The following ANK2 variants were observed in gnomAD, a reference collection of about 807,000 sequenced individuals.
The protein encoded by ANK2 is ankyrin 2.
ANK2 carries 83 observed loss-of-function variants against 360.5 expected under a neutral mutation model. The ratio of observed to expected loss-of-function variants is 0.23; its 90% CI spans 0.19 to 0.28. The LOEUF (loss-of-function observed/expected upper bound fraction) is 0.28. Among genes scored for constraint, ANK2 ranks in the 10% least tolerant of loss-of-function variants. The pLI, the probability that ANK2 is intolerant of heterozygous loss-of-function variation, is 1.00. For synonymous variants in ANK2, 1,740 were observed against 1,759.5 expected, an observed-to-expected ratio of 0.99 and a Z score of 0.28; for missense variants, 4,201 against 4,795.7, an observed-to-expected ratio of 0.88 and a Z score of 3.66.
chr4:113,190,445 T>G (rs1307405193), intron 2 of ANK2, among the ~76,000 whole-genome samples: 1 of 152,066 alleles, frequency 6.6e-6, no homozygotes, highest in Non-Finnish European at 1.5e-5. Context: ...TGGCATGCAT[T>G]TGACACCATA....
At chr4:112,708,241 T>G in the ANK2 span, among the ~76,000 whole-genome samples, 2 of 152,240 alleles carry the variant, frequency 1.3e-5, no homozygotes, top group African/African-American at 4.8e-5. Flanking sequence ...CTGGACATAT[T>G]TTTCCATGTT....
Position 113,336,473 on chromosome 4 carries a change from T to TA in ANK2, c.3592-98dup, listed in dbSNP as rs3830611. On this transcript the variant is annotated intron_variant, in intron 30 of 45. Transcript: ENST00000357077. ...AAGCCCACCAAACTTATTTGTAAGATAAAAAATACTTTGGGGAAGAAATTT... is the reference window on the plus strand; with the variant it reads ...AAGCCCACCAAACTTATTTGTAAGATAAAAAAATACTTTGGGGAAGAAATTT... The TA allele has an allele frequency of 0.057, 65,291 of 1,144,236 alleles. 2,690 individuals are homozygous for TA. Among genetic ancestry groups the TA allele is most frequent in the African/African-American group, 0.19 (12,032 of 63,088 alleles). 70.9% of individuals were successfully genotyped at this position (1,144,236 alleles called of 1,614,324 possible). A position where few individuals can be genotyped will look rare whatever the true frequency, so the allele number is the denominator to read the frequency against.
chr4:113,372,958 A>AT lies in ANK2; in HGVS notation c.11611-128dup, dbSNP rs1174979753. On this transcript the variant is annotated intron_variant, in intron 43 of 45. Coordinates refer to ENST00000357077, the MANE Select transcript of ANK2 (RefSeq NM_001148.6). Reference sequence around the variant, plus strand: ...CTTGAGTTTTTCACTAGTTGACAGGATTTTGTATCTCAGCAATGCTTCTCA... The same window carrying AT: ...CTTGAGTTTTTCACTAGTTGACAGGATTTTTGTATCTCAGCAATGCTTCTCA... 4 of 877,882 alleles carry AT rather than the reference A, an allele frequency of 4.6e-6. No homozygotes were observed. The East Asian group carries it at 9.6e-5, about 21-fold the overall frequency. The allele number at this position is 877,882 out of a possible 1,614,324, so 54.4% of individuals were successfully genotyped here. A position where few individuals can be genotyped will look rare whatever the true frequency, so the allele number is the denominator to read the frequency against.
chr4:112,803,048 G>A, the ANK2 span, among the ~76,000 whole-genome samples: 73 of 152,222 alleles, frequency 4.8e-4, no homozygotes, highest in South Asian at 4.4e-3. Context: ...TGCTTTTAGT[G>A]ATTTATATTC....
At chr4:112,997,709 A>G (rs965505774) in intron 2 of ANK2, among the ~76,000 whole-genome samples, 7 of 152,056 alleles carry the variant, frequency 4.6e-5, no homozygotes, top group Admixed American at 2.0e-4. Flanking sequence ...TGACAAGTAA[A>G]AATTGTATGT....
At chr4:113,346,097 A>G in intron 35 of ANK2, 75 bp downstream of exon 35, 7 of 1,572,414 alleles carry the variant, frequency 4.5e-6, no homozygotes, top group Non-Finnish European at 5.2e-6. Context: ...AGGTCAGTGC[A>G]AAAGTAATGG....
intron 32 of ANK2, among the ~76,000 whole-genome samples, chr4:113,340,620 C>T (rs1320519195): frequency 6.6e-6 from 1 of 152,130 alleles, no homozygotes; most frequent in African/African-American, 2.4e-5. Flanking sequence ...CTCTTGAGCC[C>T]AGAGAGGTCG....
At chr4:113,284,380 GA>G (rs2153720210) in intron 18 of ANK2, among the ~76,000 whole-genome samples, 1 of 152,280 alleles carries the variant, frequency 6.6e-6, no homozygotes, top group South Asian at 2.1e-4. Flanking sequence ...ATCAGCCAAA[GA>G]AATCCATAAA....
At chr4:113,245,369 G>A (rs537731254) in intron 9 of ANK2, among the ~76,000 whole-genome samples, 1 of 152,234 alleles carries the variant, frequency 6.6e-6, no homozygotes, top group East Asian at 1.9e-4. Context: ...ATATTAATTA[G>A]TTCTCATGCT....
chr4:112,853,241 G>A (rs187736209), intron 1 of ANK2, among the ~76,000 whole-genome samples: 38 of 152,202 alleles, frequency 2.5e-4, no homozygotes, highest in Non-Finnish European at 7.4e-5. Context: ...GCTATTTTTT[G>A]TATTTTTAGT....
At chr4:113,346,849 C>A (rs188709064) in intron 35 of ANK2, among the ~76,000 whole-genome samples, 128 of 152,226 alleles carry the variant, frequency 8.4e-4, no homozygotes, top group Admixed American at 2.5e-3. Context: ...CGTAATTCCT[C>A]GAATACTCTG....
chr4:113,313,292 A>AT (rs889300446), intron 24 of ANK2, among the ~76,000 whole-genome samples: 4 of 152,130 alleles, frequency 2.6e-5, no homozygotes, highest in Non-Finnish European at 5.9e-5. Context: ...TAAAGCTTCT[A>AT]TTTTTTGCAT....
In ANK2 at chr4:113,270,342, A is replaced by G. The variant is rs145132396; in HGVS notation, c.1486-4110A>G. 5.1e-3 allele frequency among the ~76,000 whole-genome samples: 781 copies of G among 152,216 alleles called. 8 individuals carry two copies. Among genetic ancestry groups the G allele is most frequent in the African/African-American group, 0.018 (730 of 41,548 alleles). ...TGTATTGATATAACCCATTATTACAACCTTTTATCTTTTTGGATACCCTCT... is the reference window on the plus strand; with the variant it reads ...TGTATTGATATAACCCATTATTACAGCCTTTTATCTTTTTGGATACCCTCT... On this transcript the variant is annotated intron_variant, in intron 14 of 45. Transcript: ENST00000357077.
the ANK2 span, among the ~76,000 whole-genome samples, chr4:112,784,918 G>A: frequency 1.2e-4 from 19 of 152,212 alleles, no homozygotes; most frequent in Non-Finnish European, 2.8e-4. Flanking sequence ...GCGATTATAA[G>A]TGTTGATAGA....
intron 1 of ANK2, among the ~76,000 whole-genome samples, chr4:113,139,586 A>C (rs1306405889): frequency 6.6e-6 from 1 of 152,316 alleles, no homozygotes; most frequent in East Asian, 1.9e-4. Flanking sequence ...TTTTATTCAC[A>C]TTGCATTTCA....
chr4:113,330,585 C>T, intron 27 of ANK2, 115 bp downstream of exon 27: 1 of 1,040,182 alleles, frequency 9.6e-7, no homozygotes. Context: ...AGAGGATCAG[C>T]ACCAATGACA....
At chr4:112,790,829 A>G in the ANK2 span, among the ~76,000 whole-genome samples, 1 of 152,270 alleles carries the variant, frequency 6.6e-6, no homozygotes, top group Non-Finnish European at 1.5e-5. Flanking sequence ...GGGGAGAAAT[A>G]AAAAGTAGCT....
chr4:112,709,389 C>G, the ANK2 span, among the ~76,000 whole-genome samples: 1 of 152,196 alleles, frequency 6.6e-6, no homozygotes, highest in Non-Finnish European at 1.5e-5. Context: ...CCATATGACT[C>G]TTATGGCCAT....
chr4:112,820,098 CCTTTT>C (rs2056572976), intron 1 of ANK2, among the ~76,000 whole-genome samples: 1 of 152,190 alleles, frequency 6.6e-6, no homozygotes, highest in Non-Finnish European at 1.5e-5. Flanking sequence ...TTTTAGAATT[CCTTTT>C]CTTTAACACA....
Sources: gnomAD v4.1 joint callset for allele counts (sites outside exome capture counted in the v4.1 genomes callset) on GRCh38, gnomAD v4.1.1 for gene constraint, MANE v1.5 for transcripts, NCBI Gene and HGNC (gene_info 2026-07-23, HGNC 2026-07-21) for gene names.